Variants in OR10G4 observed in about 807,000 individuals in gnomAD.
OR10G4 encodes olfactory receptor 10G4.
For synonymous variants in OR10G4, 130 were observed against 159.3 expected (o/e 0.82, Z 1.39); for missense variants, 318 against 388.8 (o/e 0.82, Z 1.53).
rs749546863 is a variant in OR10G4, at chr11:124,016,455, T to C, written c.881T>C (p.Val294Ala). The C allele has an allele frequency of 4.3e-6, 7 of 1,612,338 alleles. No homozygotes were observed. In the Admixed American group the frequency reaches 1.2e-4, roughly 27 times the overall value. ...PVVYTLRNKE[V>A]KKAVLKLRDK... is the part of the protein sequence containing the mutation. The stretch of plus-strand genomic sequence containing the variant: ...GTGTACACCCTGAGAAACAAGGAGG[T>C]GAAGAAAGCTGTGTTGAAACTTAGA... Residue 294 changes from valine to alanine, a missense_variant, in exon 2 of 2, where the codon GTG becomes GCG. By Grantham distance (64) the Val-to-Ala change is moderately conservative. Transcript: ENST00000641722.
intron 1 of OR10G4, among the ~76,000 whole-genome samples, chr11:124,014,521 C>T (rs1191405917): frequency 6.6e-6 from 1 of 152,210 alleles, no homozygotes; most frequent in Non-Finnish European, 1.5e-5. Context: ...TGGTGTGCTG[C>T]ACCCACTGTC....
In OR10G4 at chr11:124,016,781, A is replaced by G. The variant is rs899408707; in HGVS notation, c.*271A>G. The G allele has an allele frequency of 4.0e-6, 1 of 251,174 alleles. No individual in the cohort carries two copies. Among genetic ancestry groups the G allele is most frequent in the African/African-American group, 2.2e-5 (1 of 44,866 alleles). The allele number at this position is 251,174 out of a possible 1,614,324, so 15.6% of individuals were successfully genotyped here. A position where few individuals can be genotyped will look rare whatever the true frequency, so the allele number is the denominator to read the frequency against. On this transcript the variant is annotated 3_prime_UTR_variant, in exon 2 of 2. Transcript: ENST00000641722. ...AACATATTTTAATCAAATCTCAGGG[A>G]TAGATGATTAATTCATGTTTATAAA...
chr11:124,017,498 A>C lies in OR10G4; in HGVS notation c.*988A>C, dbSNP rs986305274. The stretch of plus-strand genomic sequence containing the variant: ...CTCACAACAAAACTTACCATGGCCA[A>C]ATGCCGATAGTGCTGAGGATGAGAA... On this transcript the variant is annotated 3_prime_UTR_variant, in exon 2 of 2. Coordinates refer to ENST00000641722, the MANE Select transcript of OR10G4 (RefSeq NM_001004462.2). The C allele has an allele frequency of 6.6e-6, 1 of 152,228 alleles. No individual in the cohort carries two copies. The highest frequency in any genetic ancestry group is 2.4e-5 in the African/African-American group (1 of 41,452). 9.4% of individuals were successfully genotyped at this position (152,228 alleles called of 1,614,324 possible).
chr11:124,016,442 A>G lies in OR10G4; in HGVS notation c.868A>G (p.Arg290Gly), dbSNP rs370575449. 2.5e-6 allele frequency: 4 copies of G among 1,613,428 alleles called. No individual in the cohort carries two copies. In the East Asian group the frequency reaches 8.9e-5, roughly 36 times the overall value. Residue 290 changes from arginine (R) to glycine (G), a missense_variant, in exon 2 of 2, where the codon AGA (arginine) becomes GGA (glycine). Transcript: ENST00000641722. ...TCTCAACCCTGTTGTGTACACCCTG[A>G]GAAACAAGGAGGTGAAGAAAGCTGT... is the stretch of plus-strand genomic sequence containing the variant. ...PLLNPVVYTLRNKEVKKAVLK... is the reference protein window; with the variant it reads ...PLLNPVVYTLGNKEVKKAVLK...
chr11:124,013,975 C>T (rs574513489), intron 1 of OR10G4, among the ~76,000 whole-genome samples: 3 of 152,182 alleles, frequency 2.0e-5, no homozygotes, highest in African/African-American at 7.2e-5. Flanking sequence ...AACATTTACA[C>T]ATCTAGGATA....
intron 1 of OR10G4, chr11:124,015,314 A>G (rs1864005158): frequency 1.8e-6 from 1 of 551,694 alleles, no homozygotes; most frequent in African/African-American, 1.9e-5. Context: ...GAAATCTAAT[A>G]TAGTGTTTCT....
Position 124,015,633 on chromosome 11 carries a change from G to A in OR10G4, c.59G>A (p.Gly20Glu). 6.2e-7 allele frequency: 1 copy of A among 1,604,230 alleles called. No homozygotes were observed. Among genetic ancestry groups the A allele is most frequent in the South Asian group, 1.1e-5 (1 of 90,090 alleles). The part of the protein sequence containing the change: ...FILTGLPHAP[G>E]LDALLFGIFL... Reference sequence around the variant, plus strand: ...CTCACAGGCCTTCCCCATGCCCCAGGGCTGGACGCCCTCCTCTTTGGAATC... The same window carrying A: ...CTCACAGGCCTTCCCCATGCCCCAGAGCTGGACGCCCTCCTCTTTGGAATC... The change falls in exon 2 of 2, where the codon GGG becomes GAG. Residue 20 changes from glycine to glutamate, a missense_variant. By Grantham distance (98) the Gly-to-Glu change is moderately conservative. Transcript: ENST00000641722.
intron 1 of OR10G4, among the ~76,000 whole-genome samples, chr11:124,013,948 C>T (rs776812409): frequency 9.9e-5 from 15 of 151,958 alleles, no homozygotes; most frequent in Non-Finnish European, 1.6e-4. Flanking sequence ...TTATCTCTAA[C>T]GAAGCCAATA....
At chr11:124,014,809 G>A (rs1290875731) in intron 1 of OR10G4, 1 of 152,108 alleles carries the variant, frequency 6.6e-6, no homozygotes, top group Non-Finnish European at 1.5e-5. Flanking sequence ...ATCCCAAGGA[G>A]CCCTCTAAAT....
intron 1 of OR10G4, chr11:124,015,345 G>C (rs1400696064): frequency 1.7e-6 from 1 of 593,172 alleles, no homozygotes; most frequent in African/African-American, 1.9e-5. Flanking sequence ...CTGCATGTGT[G>C]TCTCTGTGTG....
intron 1 of OR10G4, 183 bp from the exon 2 acceptor site, chr11:124,015,365 G>A: frequency 3.2e-6 from 2 of 627,756 alleles, no homozygotes; most frequent in Admixed American, 2.9e-5. Context: ...GTGTGCACCT[G>A]TGTGCATGTG....
chr11:124,015,836 G>A lies in OR10G4; in HGVS notation c.262G>A (p.Gly88Ser), dbSNP rs376428185. ...GCTGATGACCTTGGTGTCCCCAAGC[G>A]GCAGGGCTATCTCCTTCCACAGCTG... is the stretch of plus-strand genomic sequence containing the variant. Reference protein sequence around the residue: ...KMLMTLVSPSGRAISFHSCVA... With the variant: ...KMLMTLVSPSSRAISFHSCVA... Residue 88 changes from glycine to serine, a missense_variant, in exon 2 of 2, where the codon GGC becomes AGC. Transcript: ENST00000641722. 1.9e-5 allele frequency: 31 copies of A among 1,609,674 alleles called. No individual in the cohort carries two copies. Among genetic ancestry groups the A allele is most frequent in the East Asian group, 1.8e-4 (8 of 44,758 alleles).
chr11:124,016,568 A>G lies in OR10G4; in HGVS notation c.*58A>G. ...AAATAGTAATCTAATTTAGTTATTC[A>G]TGTGAAATTGATTATATGTATAGTT... On this transcript the variant is annotated 3_prime_UTR_variant, in exon 2 of 2. Transcript: ENST00000641722. 1 of 1,260,592 alleles carries G rather than the reference A, an allele frequency of 7.9e-7. No individual in the cohort carries two copies. Among genetic ancestry groups the G allele is most frequent in the Non-Finnish European group, 1.1e-6 (1 of 911,728 alleles). 78.1% of individuals were successfully genotyped at this position (1,260,592 alleles called of 1,614,324 possible).
At chr11:124,015,358 T>C in intron 1 of OR10G4, 190 bp from the exon 2 acceptor site, 1 of 616,864 alleles carries the variant, frequency 1.6e-6, no homozygotes, top group South Asian at 2.1e-5. Context: ...TCTGTGTGTG[T>C]GCACCTGTGT....
In OR10G4 at chr11:124,015,605, A is replaced by T. The variant is rs763283662; in HGVS notation, c.31A>T (p.Ile11Phe). The change falls in exon 2 of 2, where the codon ATC (isoleucine) becomes TTC (phenylalanine). Residue 11 changes from isoleucine to phenylalanine, a missense_variant. Transcript: ENST00000641722. The stretch of plus-strand genomic sequence containing the variant: ...CAACGCCAGCCTCGTGACAGCATTC[A>T]TCCTCACAGGCCTTCCCCATGCCCC... MSNASLVTAF[I>F]LTGLPHAPGL... 6.2e-7 allele frequency: 1 copy of T among 1,601,900 alleles called. No individual in the cohort carries two copies. The highest frequency in any genetic ancestry group is 1.7e-5 in the Admixed American group (1 of 57,598).
rs1864036721 is a variant in OR10G4, at chr11:124,018,192, CT to C, written c.*1688del. On this transcript the variant is annotated 3_prime_UTR_variant, in exon 2 of 2. Coordinates refer to ENST00000641722, the MANE Select transcript of OR10G4 (RefSeq NM_001004462.2). ...TCTTGGAAAAAAATTAATTAAAATACTTTTTTAAATTTATTTTTTATTATTA... is the reference window on the plus strand; with the variant it reads ...TCTTGGAAAAAAATTAATTAAAATACTTTTTAAATTTATTTTTTATTATTA... 6.6e-6 allele frequency: 1 copy of C among 152,108 alleles called. No individual in the cohort carries two copies. Among genetic ancestry groups the C allele is most frequent in the South Asian group, 2.1e-4 (1 of 4,822 alleles). The allele number at this position is 152,108 out of a possible 1,614,324, so 9.4% of individuals were successfully genotyped here.
intron 1 of OR10G4, among the ~76,000 whole-genome samples, chr11:124,013,363 T>C (rs759165585): frequency 2.0e-5 from 3 of 152,180 alleles, no homozygotes; most frequent in Admixed American, 6.5e-5. Flanking sequence ...CAGGGAACAA[T>C]GGACTTCACC....
rs1326563457 is a variant in OR10G4 at position 124,018,195 on chromosome 11, T to C, written c.*1685T>C. 1.3e-5 allele frequency: 2 copies of C among 152,190 alleles called. No homozygotes were observed. The highest frequency in any genetic ancestry group is 2.4e-5 in the African/African-American group (1 of 41,446). 9.4% of individuals were successfully genotyped at this position (152,190 alleles called of 1,614,324 possible). A position where few individuals can be genotyped will look rare whatever the true frequency, so the allele number is the denominator to read the frequency against. ...TGGAAAAAAATTAATTAAAATACTT[T>C]TTTAAATTTATTTTTTATTATTATA... On this transcript the variant is annotated 3_prime_UTR_variant, in exon 2 of 2. Transcript: ENST00000641722.
chr11:124,016,601 T>C lies in OR10G4; in HGVS notation c.*91T>C. On this transcript the variant is annotated 3_prime_UTR_variant, in exon 2 of 2. Transcript: ENST00000641722. ...TTGATTATATGTATAGTTCTCAGTG[T>C]TAAACTTTATTCCAAAACACCTGCA... The C allele has an allele frequency of 4.9e-6, 4 of 811,352 alleles. No homozygotes were observed. The South Asian group carries it at 7.8e-5, about 16-fold the overall frequency. The allele number at this position is 811,352 out of a possible 1,614,324, so 50.3% of individuals were successfully genotyped here. A position where few individuals can be genotyped will look rare whatever the true frequency, so the allele number is the denominator to read the frequency against.
Sources: gnomAD v4.1 joint callset for allele counts (sites outside exome capture counted in the v4.1 genomes callset) on GRCh38, gnomAD v4.1.1 for gene constraint, MANE v1.5 for transcripts, NCBI Gene and HGNC (gene_info 2026-07-23, HGNC 2026-07-21) for gene names.